Variants in LLGL1 observed in about 807,000 individuals in gnomAD.
LLGL1 encodes LLGL scribble cell polarity complex component 1, also known as lethal(2) giant larvae protein homolog 1.
In LLGL1, 58 loss-of-function variants were observed where a neutral mutation model predicts 110.6. The ratio of observed to expected loss-of-function variants is 0.52; its 90% CI spans 0.42 to 0.65. The LOEUF (loss-of-function observed/expected upper bound fraction) is 0.65, where lower values mean the gene tolerates loss of function less well. Ranked by LOEUF, LLGL1 falls within the 30% of genes least tolerant of loss-of-function variation. The pLI is 0.00. For missense variants in LLGL1, 1,229 were observed against 1,462.1 expected, an observed-to-expected ratio of 0.84 and a Z score of 2.60; for synonymous variants, 674 against 607.2, an observed-to-expected ratio of 1.11 and a Z score of -1.62.
chr17:18,237,998 G>T, intron 14 of LLGL1, 69 bp from the exon 15 acceptor site: 1 of 1,564,880 alleles, frequency 6.4e-7, no homozygotes, highest in Non-Finnish European at 8.7e-7. Flanking sequence ...GCCTCCACAG[G>T]CCAGCAGGAG....
rs771934412 is a variant in LLGL1 at position 18,242,589 on chromosome 17, CAG to C, written c.3078_3079del (p.Asp1028ArgfsTer14). 16 of 1,614,006 alleles carry C rather than the reference CAG, an allele frequency of 9.9e-6. No homozygotes were observed. The highest frequency in any genetic ancestry group is 3.3e-5 in the South Asian group (3 of 91,064). Reference sequence around the variant, plus strand: ...AGTGCTGACACCACGCTGGACACGACAGGGGACGTCACAGTGGAAGATGTGAA... The same window carrying C: ...AGTGCTGACACCACGCTGGACACGACGGGACGTCACAGTGGAAGATGTGAA... On this transcript the variant is annotated frameshift_variant, in exon 21 of 23. Transcript: ENST00000316843. LOFTEE classifies it high-confidence loss of function.
At chr17:18,232,403 G>A in intron 2 of LLGL1, 92 bp from the exon 3 acceptor site, 6 of 1,170,216 alleles carry the variant, frequency 5.1e-6, no homozygotes, top group Non-Finnish European at 7.3e-6. Flanking sequence ...GGGGCCCACT[G>A]GAATAGTCCG....
chr17:18,242,024 C>T (rs1479475830), intron 19 of LLGL1, 25 bp downstream of exon 19: 4 of 1,591,868 alleles, frequency 2.5e-6, no homozygotes, highest in South Asian at 1.1e-5. Context: ...AGCTCCTAGC[C>T]TGGGGGACCT....
chr17:18,230,140 A>T, intron 2 of LLGL1, 102 bp downstream of exon 2: 4 of 858,446 alleles, frequency 4.7e-6, no homozygotes, highest in Non-Finnish European at 7.3e-6. Flanking sequence ...GCTCGAGAGG[A>T]GGACAGAGGT....
chr17:18,241,789 AG>A, intron 18 of LLGL1, 74 bp downstream of exon 18: 1 of 1,608,102 alleles, frequency 6.2e-7, no homozygotes, highest in Non-Finnish European at 8.5e-7. Context: ...GCTTGGGAGC[AG>A]GAAGGGCACT....
Position 18,236,864 on chromosome 17 carries a change from T to A in LLGL1, c.1536T>A (p.Asp512Glu). Reference protein sequence around the residue: ...KVGCFDPYSDDPRLGVQKVAL... With the variant: ...KVGCFDPYSDEPRLGVQKVAL... ...GCTGCTTCGATCCCTACAGTGACGATCCCCGGCTTGGCGTGCAGAAGGTTG... is the reference window on the plus strand; with the variant it reads ...GCTGCTTCGATCCCTACAGTGACGAACCCCGGCTTGGCGTGCAGAAGGTTG... Residue 512 changes from aspartate (D) to glutamate (E), a missense_variant, in exon 13 of 23, where the codon GAT (aspartate) becomes GAA (glutamate). Transcript: ENST00000316843. The A allele has an allele frequency of 2.5e-6, 4 of 1,613,866 alleles. No individual in the cohort carries two copies. Among genetic ancestry groups the A allele is most frequent in the Middle Eastern group, 1.6e-4 (1 of 6,062 alleles).
chr17:18,240,813 G>T lies in LLGL1; in HGVS notation c.2442G>T (p.Ala814=). 2 of 1,577,088 alleles carry T rather than the reference G, an allele frequency of 1.3e-6. No individual in the cohort carries two copies. Among genetic ancestry groups the T allele is most frequent in the Non-Finnish European group, 8.6e-7 (1 of 1,158,966 alleles). ...CCTACGAGGCCTCACGGGACCTGGC[G>T]CAGGCACCTGACATGCAGGGTGGTC... is the stretch of plus-strand genomic sequence containing the variant. ...PEPYEASRDL[A]QAPDMQGGHA... Residue 814 remains alanine, a synonymous_variant, in exon 17 of 23, where the codon GCG becomes GCT. Transcript: ENST00000316843. This position sits in a 1 kb window ranked among gnomAD's most constrained non-coding sequence, Gnocchi z 5.3.
chr17:18,228,104 C>T (rs575453121), intron 1 of LLGL1, among the ~76,000 whole-genome samples: 7 of 152,206 alleles, frequency 4.6e-5, no homozygotes, highest in Non-Finnish European at 1.0e-4. Context: ...AGGACAAATA[C>T]CTGTTAACTC....
chr17:18,230,175 T>G, intron 2 of LLGL1, 137 bp downstream of exon 2: 1 of 618,212 alleles, frequency 1.6e-6, no homozygotes. Context: ...TAGTGGGGGC[T>G]TCTGCGGAGG....
chr17:18,235,444 C>T lies in LLGL1; in HGVS notation c.1285-26C>T, dbSNP rs369223962. 1.3e-5 allele frequency: 21 copies of T among 1,613,516 alleles called. No individual in the cohort carries two copies. The African/African-American group carries it at 2.8e-4, about 22-fold the overall frequency. The stretch of plus-strand genomic sequence containing the variant: ...AGAAGATGTTCGTCCTAACCTTGTG[C>T]ATACATCTCTGCCACCCCCTCCCAG... On this transcript the variant is annotated intron_variant, in intron 10 of 22. Transcript: ENST00000316843.
intron 1 of LLGL1, 146 bp downstream of exon 1, chr17:18,225,909 C>A: frequency 5.0e-6 from 1 of 198,272 alleles, no homozygotes; most frequent in Non-Finnish European, 9.0e-6. Context: ...CCGGGCCGCG[C>A]ACCCCCTCGG....
chr17:18,230,110 C>G, intron 2 of LLGL1, 72 bp downstream of exon 2: 1 of 1,222,880 alleles, frequency 8.2e-7, no homozygotes, highest in Non-Finnish European at 1.2e-6. Flanking sequence ...GCTCTGGGGT[C>G]CCAGTCTTGG....
In LLGL1 at chr17:18,240,070, C is replaced by T. The variant is rs2047792325; in HGVS notation, c.2207-508C>T. Reference sequence around the variant, plus strand: ...TAGGTGTCCCCAGGCTTGGCGGCTTCCTCTGGCTGCCACGTAGGGAGCACA... The same window carrying T: ...TAGGTGTCCCCAGGCTTGGCGGCTTTCTCTGGCTGCCACGTAGGGAGCACA... On this transcript the variant is annotated intron_variant, in intron 16 of 22. Coordinates refer to ENST00000316843, the MANE Select transcript of LLGL1 (RefSeq NM_004140.4). This position sits in a 1 kb window ranked among gnomAD's most constrained non-coding sequence, Gnocchi z 5.3. Among the ~76,000 whole-genome samples, 3 of 152,080 alleles carry T rather than the reference C, an allele frequency of 2.0e-5. No individual in the cohort carries two copies.
chr17:18,242,327 G>C, intron 20 of LLGL1, 49 bp downstream of exon 20: 3 of 1,576,360 alleles, frequency 1.9e-6, no homozygotes, highest in African/African-American at 1.3e-5. Context: ...CGGTGCCCTG[G>C]GGGAGGGAGT....
At position 18,244,138 on chromosome 17, in the gene LLGL1, G is replaced by A. The variant is rs1338683413; in HGVS notation, c.*232G>A. The A allele has an allele frequency of 6.6e-6, 1 of 152,248 alleles. No individual in the cohort carries two copies. The highest frequency in any genetic ancestry group is 1.5e-5 in the Non-Finnish European group (1 of 68,076). 9.4% of individuals were successfully genotyped at this position (152,248 alleles called of 1,614,324 possible). A position where few individuals can be genotyped will look rare whatever the true frequency, so the allele number is the denominator to read the frequency against. ...CCTCCTGCAGGCATTTGGCTGCCCTGGGGGCCCACTGCCTAGGGAAGAGGA... is the reference window on the plus strand; with the variant it reads ...CCTCCTGCAGGCATTTGGCTGCCCTAGGGGCCCACTGCCTAGGGAAGAGGA... On this transcript the variant is annotated 3_prime_UTR_variant, in exon 23 of 23. Transcript: ENST00000316843.
At chr17:18,238,297 T>G in intron 15 of LLGL1, 83 bp downstream of exon 15, 1 of 1,592,072 alleles carries the variant, frequency 6.3e-7, no homozygotes. Flanking sequence ...TGGGGCCTGC[T>G]TAGCTCAGTG....
chr17:18,231,975 C>T (rs1382275086), intron 2 of LLGL1, among the ~76,000 whole-genome samples: 10 of 152,174 alleles, frequency 6.6e-5, no homozygotes, highest in Non-Finnish European at 1.5e-4. Context: ...GTTTTCTTAC[C>T]CATGGCTGAA....
In LLGL1 at chr17:18,242,600, A is replaced by G. The variant is rs2047867379; in HGVS notation, c.3088A>G (p.Thr1030Ala). 6.2e-7 allele frequency: 1 copy of G among 1,613,662 alleles called. No homozygotes were observed. The highest frequency in any genetic ancestry group is 1.7e-5 in the Admixed American group (1 of 59,944). ...CACGCTGGACACGACAGGGGACGTCACAGTGGAAGATGTGAAGGATTTCCT... is the reference window on the plus strand; with the variant it reads ...CACGCTGGACACGACAGGGGACGTCGCAGTGGAAGATGTGAAGGATTTCCT... ...DTTLDTTGDV[T>A]VEDVKDFLGS... The change falls in exon 21 of 23, where the codon ACA (threonine) becomes GCA (alanine). Residue 1030 changes from threonine to alanine, a missense_variant. By Grantham distance (58) the Thr-to-Ala change is moderately conservative. Coordinates refer to ENST00000316843, the MANE Select transcript of LLGL1 (RefSeq NM_004140.4).
Position 18,242,973 on chromosome 17 carries a change from G to A in LLGL1, c.*1+151G>A, listed in dbSNP as rs180722430. 2.4e-4 allele frequency: 172 copies of A among 715,830 alleles called. No homozygotes were observed. The East Asian group carries it at 3.2e-3, about 13-fold the overall frequency. 44.3% of individuals were successfully genotyped at this position (715,830 alleles called of 1,614,324 possible). A position where few individuals can be genotyped will look rare whatever the true frequency, so the allele number is the denominator to read the frequency against. On this transcript the variant is annotated intron_variant, in intron 22 of 22. Transcript: ENST00000316843. The stretch of plus-strand genomic sequence containing the variant: ...GAAACCTGGCTGCCTTCCATGGAGT[G>A]CCTCAATTGGGGACTTCTGGTGCTC...
Sources: allele counts gnomAD v4.1 joint callset (sites outside exome capture counted in the v4.1 genomes callset), GRCh38; gene constraint gnomAD v4.1.1; non-coding constraint Gnocchi (gnomAD v3.1); transcripts MANE v1.5; gene names NCBI Gene and HGNC (gene_info 2026-07-23, HGNC 2026-07-21).